The following RIN2 variants were observed in gnomAD, a reference collection of about 807,000 sequenced individuals.
RIN2 encodes RAB5 interacting protein 2.
Under a neutral mutation model 78.0 loss-of-function variants are expected in RIN2, and 36 were observed. That is an observed-to-expected ratio of 0.46 (90% CI 0.35 to 0.61). RIN2 has a LOEUF of 0.61. RIN2 is among the 20% of genes least tolerant of loss of function. The pLI, the probability that RIN2 is intolerant of heterozygous loss-of-function variation, is 0.00. For missense variants in RIN2, 1,087 were observed against 1,159.7 expected (o/e 0.94, Z 0.91); for synonymous variants, 466 against 466.8 (o/e 1.00, Z 0.02).
chr20:19,936,395 C>T (rs1158463682), intron 4 of RIN2, among the ~76,000 whole-genome samples: 1 of 140,566 alleles, frequency 7.1e-6, no homozygotes, highest in Non-Finnish European at 1.6e-5. Flanking sequence ...TTTCAAACAT[C>T]GTGGAACTTT....
At chr20:19,913,616 C>T (rs370748352) in intron 3 of RIN2, among the ~76,000 whole-genome samples, 2 of 152,258 alleles carry the variant, frequency 1.3e-5, no homozygotes, top group East Asian at 1.9e-4. Context: ...TGGTAACTAC[C>T]CTTCTGCTTC....
chr20:19,932,580 G>T (rs182800379), intron 3 of RIN2, among the ~76,000 whole-genome samples: 245 of 152,272 alleles, frequency 1.6e-3, no homozygotes, highest in Middle Eastern at 0.01. Flanking sequence ...GCAGTCACAG[G>T]CACCGAGGGG....
At chr20:19,952,417 G>T (rs1249726508) in intron 4 of RIN2, among the ~76,000 whole-genome samples, 1 of 152,192 alleles carries the variant, frequency 6.6e-6, no homozygotes, top group African/African-American at 2.4e-5. Context: ...TTTCCTGAAG[G>T]TTGTTCCTGA....
At chr20:19,910,694 A>T (rs1207874375) in intron 3 of RIN2, among the ~76,000 whole-genome samples, 1 of 149,886 alleles carries the variant, frequency 6.7e-6, no homozygotes, top group Non-Finnish European at 1.5e-5. Flanking sequence ...ATAGCCTCCC[A>T]CAGAGCTGGG....
Position 20,001,145 on chromosome 20 carries a change from A to G in RIN2, c.*209A>G. ...TGAAACAGTAGGATTCTCTTTTGGC[A>G]ATGGAGAATTGCATCTGATGGTTCA... On this transcript the variant is annotated 3_prime_UTR_variant, in exon 13 of 13. Coordinates refer to ENST00000255006, the MANE Select transcript of RIN2 (RefSeq NM_018993.4). The G allele has an allele frequency of 3.6e-6, 2 of 556,062 alleles. No individual in the cohort carries two copies. Among genetic ancestry groups the G allele is most frequent in the Non-Finnish European group, 6.4e-6 (2 of 312,748 alleles). The allele number at this position is 556,062 out of a possible 1,614,324, so 34.4% of individuals were successfully genotyped here.
intron 2 of RIN2, chr20:19,886,526 A>G (rs1039246748): frequency 3.5e-6 from 2 of 564,678 alleles, no homozygotes; most frequent in African/African-American, 3.9e-5. Flanking sequence ...ACATTCTTTC[A>G]GTGGTGTTGT....
intron 2 of RIN2, among the ~76,000 whole-genome samples, chr20:19,875,823 C>A (rs1045370433): frequency 6.6e-6 from 1 of 152,122 alleles, no homozygotes; most frequent in African/African-American, 2.4e-5. Flanking sequence ...AGTGGGGATG[C>A]ACAGACATTT....
At chr20:19,802,295 C>T (rs1420500977) in intron 2 of RIN2, among the ~76,000 whole-genome samples, 1 of 152,036 alleles carries the variant, frequency 6.6e-6, no homozygotes, top group Non-Finnish European at 1.5e-5. Context: ...CCCGAGCACC[C>T]CGTGCTTAGG....
intron 2 of RIN2, among the ~76,000 whole-genome samples, chr20:19,832,149 T>C (rs2025048): frequency 0.023 from 3,479 of 151,800 alleles, 57 homozygotes; most frequent in South Asian, 0.064. Context: ...CTGTGCTCTC[T>C]AATCCATCAC....
rs2040420411 is a variant in RIN2 at position 19,931,049 on chromosome 20, G to A, written c.58-4050G>A. ...GGATTGCTTGAGGCCAGGAGTTCAA[G>A]ACCAGCCTGCACAACATGGTGAGAA... On this transcript the variant is annotated intron_variant, in intron 3 of 12. Coordinates refer to ENST00000255006, the MANE Select transcript of RIN2 (RefSeq NM_018993.4). Among the ~76,000 whole-genome samples the A allele has an allele frequency of 1.3e-5, 2 of 152,004 alleles. 1 individual carries two copies.
intron 9 of RIN2, among the ~76,000 whole-genome samples, chr20:19,977,585 T>C (rs1254878613): frequency 1.3e-5 from 2 of 152,162 alleles, no homozygotes; most frequent in Non-Finnish European, 2.9e-5. Flanking sequence ...CAAGGAGGGC[T>C]CTGCCAGGCC....
intron 2 of RIN2, among the ~76,000 whole-genome samples, chr20:19,876,275 A>T (rs1373378896): frequency 6.6e-6 from 1 of 152,218 alleles, no homozygotes; most frequent in Non-Finnish European, 1.5e-5. Context: ...CAACTGAAAG[A>T]TCTGACTTCT....
At chr20:19,804,182 C>G (rs1403377827) in intron 2 of RIN2, among the ~76,000 whole-genome samples, 1 of 152,128 alleles carries the variant, frequency 6.6e-6, no homozygotes, top group Non-Finnish European at 1.5e-5. Context: ...ATTTGAATTC[C>G]CTTTTTATCT....
rs777252681 is a variant in RIN2 at position 19,974,787 on chromosome 20, C to T, written c.762C>T (p.Thr254=). ...CLINGVHSIK[T]RTPSELECSQ... ...TAAATGGAGTGCATTCTATCAAAAC[C>T]AGGACGCCTTCAGAGCTGGAGTGCA... The change falls in exon 9 of 13, where the codon ACC becomes ACT. Residue 254 remains threonine (T), a synonymous_variant. Coordinates refer to ENST00000255006, the MANE Select transcript of RIN2 (RefSeq NM_018993.4). The T allele has an allele frequency of 5.0e-6, 8 of 1,613,874 alleles. No individual in the cohort carries two copies. In the East Asian group the frequency reaches 1.8e-4, roughly 36 times the overall value.
chr20:19,964,120 T>C (rs2041858164), intron 6 of RIN2, among the ~76,000 whole-genome samples: 1 of 152,132 alleles, frequency 6.6e-6, no homozygotes, highest in Non-Finnish European at 1.5e-5. Flanking sequence ...CACCTTGGCC[T>C]CACAAAGTGC....
Position 19,990,192 on chromosome 20 carries a change from A to T in RIN2, c.1949A>T (p.Asp650Val), listed in dbSNP as rs1335375541. 3 of 1,609,694 alleles carry T rather than the reference A, an allele frequency of 1.9e-6. No homozygotes were observed. In the Admixed American group the frequency reaches 5.1e-5, roughly 27 times the overall value. Reference protein sequence around the residue: ...GVFAPTPDFVDVEKIKVKFMT... With the variant: ...GVFAPTPDFVVVEKIKVKFMT... ...TTCGCCCCGACCCCTGATTTTGTGG[A>T]TGTGGAGAAAATCAAAGTCAAGTTC... The change falls in exon 10 of 13, where the codon GAT (aspartate) becomes GTT (valine). Residue 650 changes from aspartate to valine, a missense_variant. Physicochemically the swap from Asp to Val is radical, Grantham distance 152. Coordinates refer to ENST00000255006, the MANE Select transcript of RIN2 (RefSeq NM_018993.4).
intron 2 of RIN2, among the ~76,000 whole-genome samples, chr20:19,801,324 CTTGT>C (rs796810086): frequency 4.6e-5 from 7 of 151,042 alleles, no homozygotes; most frequent in South Asian, 2.1e-4. Context: ...AAATGGAGTT[CTTGT>C]TTGTTTGTTT....
At chr20:19,949,108 G>A (rs945542722) in intron 4 of RIN2, among the ~76,000 whole-genome samples, 4 of 152,094 alleles carry the variant, frequency 2.6e-5, no homozygotes, top group Non-Finnish European at 5.9e-5. Flanking sequence ...GTGAAACCTC[G>A]TCTCTACTAA....
intron 9 of RIN2, among the ~76,000 whole-genome samples, chr20:19,984,084 A>T (rs1189841196): frequency 2.0e-5 from 3 of 149,000 alleles, no homozygotes; most frequent in African/African-American, 7.6e-5. Flanking sequence ...TTCTGAGCAA[A>T]CTATCGCAAG....
Sources: gnomAD v4.1 joint callset for allele counts (sites outside exome capture counted in the v4.1 genomes callset) on GRCh38, gnomAD v4.1.1 for gene constraint, MANE v1.5 for transcripts, NCBI Gene and HGNC (gene_info 2026-07-23, HGNC 2026-07-21) for gene names.